The following PALLD variants were observed in gnomAD, a reference collection of about 807,000 sequenced individuals.
PALLD encodes the protein palladin, cytoskeletal associated protein.
PALLD carries 61 observed loss-of-function variants against 123.5 expected under a neutral mutation model. The ratio of observed to expected loss-of-function variants is 0.49; its 90% CI spans 0.40 to 0.61. The LOEUF is 0.61. Ranked by LOEUF, PALLD falls within the 20% of genes least tolerant of loss-of-function variation. PALLD has a pLI of 0.00. For missense variants in PALLD, 1,273 were observed against 1,377.0 expected (o/e 0.92, Z 1.20); for synonymous variants, 465 against 496.4 (o/e 0.94, Z 0.84).
intron 2 of PALLD, among the ~76,000 whole-genome samples, chr4:168,588,424 G>T (rs188821293): frequency 7.2e-4 from 109 of 151,018 alleles, no homozygotes; most frequent in African/African-American, 2.3e-3. Flanking sequence ...TTTTTTTTGA[G>T]ACAGAGTCTC....
intron 2 of PALLD, among the ~76,000 whole-genome samples, chr4:168,605,444 A>T (rs1265322536): frequency 6.6e-6 from 1 of 152,324 alleles, no homozygotes; most frequent in East Asian, 1.9e-4. Context: ...AAAAATCTCA[A>T]AGAATTAAGC....
chr4:168,830,041 G>A (rs1196509004), intron 10 of PALLD, among the ~76,000 whole-genome samples: 1 of 152,128 alleles, frequency 6.6e-6, no homozygotes, highest in Non-Finnish European at 1.5e-5. Flanking sequence ...AGAGCAGCTT[G>A]GCCAACATGG....
intron 3 of PALLD, among the ~76,000 whole-genome samples, chr4:168,675,296 A>G (rs1471263835): frequency 6.6e-6 from 1 of 152,242 alleles, no homozygotes; most frequent in African/African-American, 2.4e-5. Flanking sequence ...GAAGAGAACC[A>G]GCGTGACACA....
chr4:168,773,254 C>G (rs1172853898), intron 10 of PALLD, among the ~76,000 whole-genome samples: 4 of 152,182 alleles, frequency 2.6e-5, no homozygotes, highest in Admixed American at 2.0e-4. Flanking sequence ...ACCCCCGAGC[C>G]TGCCCTTATC....
At chr4:168,500,644 G>A (rs141141538) in intron 1 of PALLD, among the ~76,000 whole-genome samples, 3,832 of 152,204 alleles carry the variant, frequency 0.025, 79 homozygotes, top group Non-Finnish European at 0.034. Flanking sequence ...CAACAGTGCT[G>A]GGAGTACAGA....
chr4:168,712,020 C>G (rs760166780), intron 10 of PALLD, 97 bp downstream of exon 10: 6 of 1,026,640 alleles, frequency 5.8e-6, no homozygotes, highest in Non-Finnish European at 7.4e-6. Context: ...AACTATGTGG[C>G]AAGTTGGCCT....
chr4:168,715,202 G>A lies in PALLD; in HGVS notation c.1964+3279G>A, dbSNP rs190034950. Reference sequence around the variant, plus strand: ...TCTGTGGTACCTCTCATAAAGTGGGGGTTCCTGGCTTAGTATCGTGGACGC... The same window carrying A: ...TCTGTGGTACCTCTCATAAAGTGGGAGTTCCTGGCTTAGTATCGTGGACGC... On this transcript the variant is annotated intron_variant, in intron 10 of 21. Coordinates refer to ENST00000505667, the MANE Select transcript of PALLD (RefSeq NM_001166108.2). Among the ~76,000 whole-genome samples the A allele has an allele frequency of 7.9e-5, 12 of 152,148 alleles. No individual in the cohort carries two copies. In the East Asian group the frequency reaches 1.6e-3, roughly 20 times the overall value.
At position 168,815,070 on chromosome 4, in the gene PALLD, G is replaced by A. The variant is rs192249166; in HGVS notation, c.1965-75852G>A. Among the ~76,000 whole-genome samples, 384 of 152,168 alleles carry A rather than the reference G, an allele frequency of 2.5e-3. 2 individuals carry two copies. The highest frequency in any genetic ancestry group is 8.6e-3 in the African/African-American group (356 of 41,514). ...ATAGGCATGAGCCATTGTGCCCGGC[G>A]AATATTTTAATCTTTTAGTGACCTC... On this transcript the variant is annotated intron_variant, in intron 10 of 21. Transcript: ENST00000505667.
intron 10 of PALLD, among the ~76,000 whole-genome samples, chr4:168,739,053 C>T (rs1419856595): frequency 6.6e-6 from 1 of 152,136 alleles, no homozygotes; most frequent in East Asian, 1.9e-4. Context: ...GATTATTTCA[C>T]TTTACACAAT....
At chr4:168,860,776 C>T (rs149670771) in intron 10 of PALLD, among the ~76,000 whole-genome samples, 1 of 152,134 alleles carries the variant, frequency 6.6e-6, no homozygotes, top group African/African-American at 2.4e-5. Context: ...GAGCTGAGAT[C>T]GTGCCACTGC....
chr4:168,813,410 G>GAAC (rs1308889993), intron 10 of PALLD, among the ~76,000 whole-genome samples: 6 of 152,174 alleles, frequency 3.9e-5, no homozygotes, highest in South Asian at 2.1e-4. Flanking sequence ...GGCAGTTACA[G>GAAC]AACAACAACA....
At chr4:168,758,508 G>A (rs892124663) in intron 10 of PALLD, among the ~76,000 whole-genome samples, 2 of 152,124 alleles carry the variant, frequency 1.3e-5, no homozygotes, top group Non-Finnish European at 2.9e-5. Context: ...GCACATCCAT[G>A]CATCTCAGGC....
chr4:168,600,166 T>C (rs996383050), intron 2 of PALLD, among the ~76,000 whole-genome samples: 4 of 123,644 alleles, frequency 3.2e-5, no homozygotes, highest in African/African-American at 1.2e-4. Flanking sequence ...AAACTGTGTT[T>C]GTGTGTGTAT....
intron 2 of PALLD, among the ~76,000 whole-genome samples, chr4:168,570,396 G>A (rs901606973): frequency 1.3e-5 from 2 of 152,082 alleles, no homozygotes; most frequent in African/African-American, 2.4e-5. Flanking sequence ...TTAAAACTTG[G>A]CCACATGGTA....
At chr4:168,874,309 A>T (rs1751459135) in intron 10 of PALLD, among the ~76,000 whole-genome samples, 1 of 152,162 alleles carries the variant, frequency 6.6e-6, no homozygotes, top group Non-Finnish European at 1.5e-5. Context: ...GCTTTAATCT[A>T]GTGGTAGGAG....
At position 168,848,539 on chromosome 4, in the gene PALLD, G is replaced by A. The variant is rs565704713; in HGVS notation, c.1965-42383G>A. Among the ~76,000 whole-genome samples the A allele has an allele frequency of 3.9e-5, 6 of 152,232 alleles. No individual in the cohort carries two copies. In the South Asian group the frequency reaches 1.2e-3, roughly 32 times the overall value. On this transcript the variant is annotated intron_variant, in intron 10 of 21. Transcript: ENST00000505667. Reference sequence around the variant, plus strand: ...GATGAGAAAACAATTCGAGGAAAACGTAGGCACACTCAGTACATGAAGGGA... The same window carrying A: ...GATGAGAAAACAATTCGAGGAAAACATAGGCACACTCAGTACATGAAGGGA...
chr4:168,680,168 T>C (rs1217387457), intron 3 of PALLD, among the ~76,000 whole-genome samples: 1 of 151,982 alleles, frequency 6.6e-6, no homozygotes, highest in Non-Finnish European at 1.5e-5. Context: ...AATGTAAATA[T>C]GTTGATATGC....
At chr4:168,821,879 C>CAAAAA (rs910886193) in intron 10 of PALLD, among the ~76,000 whole-genome samples, 1 of 58,280 alleles carries the variant, frequency 1.7e-5, no homozygotes, top group African/African-American at 6.0e-5. Context: ...AACGCTGTCT[C>CAAAAA]AAAAAAAAAA....
chr4:168,775,681 C>A (rs570546904), intron 10 of PALLD, among the ~76,000 whole-genome samples: 54 of 152,164 alleles, frequency 3.5e-4, no homozygotes, highest in African/African-American at 1.3e-3. Context: ...TATGTTTAGA[C>A]CTATGATCTA....
Sources: allele counts gnomAD v4.1 joint callset (sites outside exome capture counted in the v4.1 genomes callset), GRCh38; gene constraint gnomAD v4.1.1; transcripts MANE v1.5; gene names NCBI Gene and HGNC (gene_info 2026-07-23, HGNC 2026-07-21).